ALDH1A2: variants seen among roughly 807,000 people sequenced by gnomAD.
ALDH1A2 encodes the protein retinal dehydrogenase 2.
A neutral mutation model predicts 60.3 loss-of-function variants in ALDH1A2; 27 were observed. The ratio of observed to expected loss-of-function variants is 0.45; its 90% confidence interval spans 0.33 to 0.62. ALDH1A2 has a LOEUF of 0.62. ALDH1A2 is among the 20% of genes least tolerant of loss of function. The pLI is 0.02. For missense variants in ALDH1A2, 581 were observed against 643.8 expected, an observed-to-expected ratio of 0.90 and a Z score of 1.06; for synonymous variants, 289 against 232.4, an observed-to-expected ratio of 1.24 and a Z score of -2.21.
chr15:58,018,080 G>C (rs1212948782), intron 1 of ALDH1A2, among the ~76,000 whole-genome samples: 1 of 152,044 alleles, frequency 6.6e-6, no homozygotes, highest in Non-Finnish European at 1.5e-5. Context: ...CCCTGACCAG[G>C]GCTCCTTGGA....
Position 57,992,746 on chromosome 15 carries a change from G to C in ALDH1A2, c.757C>G (p.His253Asp), listed in dbSNP as rs763272464. ...AATGCAATCTTGTCTATGCCAATGT[G>C]AGAAGCTATTGCTGCCCCAGCCGTT... ...GPTAGAAIAS[H>D]IGIDKIAFTG... Residue 253 changes from histidine to aspartate, a missense_variant, in exon 7 of 13, where the codon CAC (histidine) becomes GAC (aspartate). By Grantham distance (81) the His-to-Asp change is moderately conservative. Coordinates refer to ENST00000249750, the MANE Select transcript of ALDH1A2 (RefSeq NM_003888.4). The C allele has an allele frequency of 6.2e-7, 1 of 1,614,144 alleles. No individual in the cohort carries two copies. The highest frequency in any genetic ancestry group is 8.5e-7 in the Non-Finnish European group (1 of 1,180,006).
chr15:57,960,958 A>G (rs1349296254), intron 11 of ALDH1A2, 114 bp from the exon 12 acceptor site: 2 of 1,348,566 alleles, frequency 1.5e-6, no homozygotes, highest in African/African-American at 2.9e-5. Flanking sequence ...TCCAGAGGAA[A>G]AAATTGTAAT....
chr15:58,013,143 G>A (rs555610294), intron 3 of ALDH1A2, among the ~76,000 whole-genome samples: 1 of 152,282 alleles, frequency 6.6e-6, no homozygotes, highest in Non-Finnish European at 1.5e-5. Context: ...CAGAATGACA[G>A]GGCAAACGGA....
chr15:58,012,339 A>C (rs2140516478), intron 3 of ALDH1A2, among the ~76,000 whole-genome samples: 1 of 152,274 alleles, frequency 6.6e-6, no homozygotes, highest in South Asian at 2.1e-4. Flanking sequence ...TTTATGTGCT[A>C]AGAACCATGC....
At chr15:58,007,019 C>G (rs1794952577) in intron 4 of ALDH1A2, among the ~76,000 whole-genome samples, 1 of 151,740 alleles carries the variant, frequency 6.6e-6, no homozygotes, top group African/African-American at 2.4e-5. Context: ...TGTAATGTGC[C>G]TTACAGAGAA....
chr15:58,000,438 T>C (rs6493973), intron 4 of ALDH1A2, among the ~76,000 whole-genome samples: 135,960 of 151,886 alleles, frequency 0.9, 61,920 homozygotes, highest in East Asian at 1. Flanking sequence ...ATAAAAGCCA[T>C]CTTCATAATT....
intron 11 of ALDH1A2, 145 bp from the exon 12 acceptor site, chr15:57,960,989 T>C (rs1250942627): frequency 1.5e-6 from 2 of 1,333,044 alleles, no homozygotes; most frequent in Non-Finnish European, 1.0e-6. Context: ...CTTTGATTTC[T>C]GGATCTAAGC....
rs190254398 is a variant in ALDH1A2, at chr15:58,043,907, A to G, written c.117+21627T>C. Reference sequence around the variant, plus strand: ...AAGAGACAGATTCACAGAGCTGTACAGGGTCTTAGATATAATCTCTGCAAA... The same window carrying G: ...AAGAGACAGATTCACAGAGCTGTACGGGGTCTTAGATATAATCTCTGCAAA... On this transcript the variant is annotated intron_variant, in intron 1 of 12. Transcript: ENST00000249750. Among the ~76,000 whole-genome samples, 245 of 152,122 alleles carry G rather than the reference A, an allele frequency of 1.6e-3. 1 individual carries two copies. The highest frequency in any genetic ancestry group is 0.011 in the Admixed American group (161 of 15,254).
chr15:58,035,837 T>C (rs1896364596), intron 1 of ALDH1A2, among the ~76,000 whole-genome samples: 1 of 151,740 alleles, frequency 6.6e-6, no homozygotes, highest in African/African-American at 2.4e-5. Context: ...TGGTCTATCT[T>C]GCTGAATGCT....
At chr15:58,018,669 T>A (rs147954673) in intron 1 of ALDH1A2, among the ~76,000 whole-genome samples, 1 of 152,172 alleles carries the variant, frequency 6.6e-6, no homozygotes, top group Non-Finnish European at 1.5e-5. Context: ...ATGGGACAAA[T>A]TGATATCATG....
chr15:57,980,432 AATGAGGCCGGCTGCAGCTTGTTC>A (rs1894454722), intron 7 of ALDH1A2: 1 of 346,404 alleles, frequency 2.9e-6, no homozygotes, highest in Non-Finnish European at 5.8e-6. Flanking sequence ...GATCTTGGGG[AATGAGGCCGGCTGCAGCTTGTTC>A]ATGAGTATGC....
chr15:57,989,999 C>CA (rs1229267241), intron 7 of ALDH1A2, among the ~76,000 whole-genome samples: 1,613 of 24,676 alleles, frequency 0.065, 49 homozygotes, highest in African/African-American at 0.14. Flanking sequence ...GACTCCGTCT[C>CA]AAAAAAAAAA....
At chr15:58,005,314 T>A (rs569559315) in intron 4 of ALDH1A2, among the ~76,000 whole-genome samples, 1 of 152,140 alleles carries the variant, frequency 6.6e-6, no homozygotes, top group South Asian at 2.1e-4. Context: ...CTTCCATATC[T>A]AAATAGATCA....
intron 1 of ALDH1A2, among the ~76,000 whole-genome samples, chr15:58,056,868 A>G (rs1199434509): frequency 3.9e-5 from 6 of 152,236 alleles, no homozygotes; most frequent in Middle Eastern, 3.4e-3. Context: ...GCAAAATTTA[A>G]TAAGTATGAG....
intron 4 of ALDH1A2, among the ~76,000 whole-genome samples, chr15:58,009,687 C>G (rs1463536790): frequency 2.0e-5 from 3 of 151,620 alleles, no homozygotes; most frequent in Non-Finnish European, 2.9e-5. Context: ...TCTCTTCCTC[C>G]TAGGATCTAT....
intron 4 of ALDH1A2, among the ~76,000 whole-genome samples, chr15:58,006,469 T>G (rs555281008): frequency 6.6e-6 from 1 of 152,138 alleles, no homozygotes; most frequent in East Asian, 1.9e-4. Flanking sequence ...TGTACTGCTA[T>G]AGACATGCAT....
chr15:57,967,170 ATT>A lies in ALDH1A2; in HGVS notation c.799-1345_799-1344del, dbSNP rs34306826. Among the ~76,000 whole-genome samples the A allele has an allele frequency of 5.2e-3, 738 of 141,670 alleles. 1 individual carries two copies. Among genetic ancestry groups the A allele is most frequent in the Non-Finnish European group, 6.6e-3 (429 of 65,386 alleles). The allele number at this position is 141,670 out of a possible 152,430, so 92.9% of individuals were successfully genotyped here. A position where few individuals can be genotyped will look rare whatever the true frequency, so the allele number is the denominator to read the frequency against. On this transcript the variant is annotated intron_variant, in intron 7 of 12. Coordinates refer to ENST00000249750, the MANE Select transcript of ALDH1A2 (RefSeq NM_003888.4). ...AAGGCTCTGGAGCCAGACTGCCTGG[ATT>A]TTTTTTTTTTTTTTTTAACCAGTTC...
chr15:57,969,178 TCAA>T (rs1273316144), intron 7 of ALDH1A2, among the ~76,000 whole-genome samples: 4 of 152,228 alleles, frequency 2.6e-5, no homozygotes, highest in African/African-American at 9.7e-5. Flanking sequence ...TGTCCTTCAT[TCAA>T]CACATATTCA....
At chr15:58,030,124 G>A (rs1256552611) in intron 1 of ALDH1A2, among the ~76,000 whole-genome samples, 1 of 152,166 alleles carries the variant, frequency 6.6e-6, no homozygotes, top group African/African-American at 2.4e-5. Context: ...GATGGACACT[G>A]CTATGAAAAT....
Sources: allele counts gnomAD v4.1 joint callset (sites outside exome capture counted in the v4.1 genomes callset), GRCh38; gene constraint gnomAD v4.1.1; transcripts MANE v1.5; gene names NCBI Gene and HGNC (gene_info 2026-07-23, HGNC 2026-07-21).